Variants in GPALPP1 observed in about 807,000 individuals in gnomAD.
GPALPP1 encodes GPALPP motifs containing 1, also known as GPALPP motifs-containing protein 1.
A neutral mutation model predicts 38.9 loss-of-function variants in GPALPP1; 30 were observed. That is an observed-to-expected ratio of 0.77 (90% confidence interval 0.58 to 1.05). The LOEUF (loss-of-function observed/expected upper bound fraction) is 1.05. Among genes scored for constraint, GPALPP1 ranks in the 50% least tolerant of loss-of-function variants. The probability of loss-of-function intolerance (pLI) is 0.00; values close to 1 mark genes in which losing one functional copy is unlikely to be tolerated. For synonymous variants in GPALPP1, 120 were observed against 139.2 expected, an observed-to-expected ratio of 0.86 and a Z score of 0.97; for missense variants, 384 against 408.8, an observed-to-expected ratio of 0.94 and a Z score of 0.52.
At chr13:44,993,975 G>A (rs1485839771) in intron 1 of GPALPP1, among the ~76,000 whole-genome samples, 1 of 151,636 alleles carries the variant, frequency 6.6e-6, no homozygotes. Context: ...GGTTGTTTAC[G>A]CTTGTAATCC....
At chr13:45,010,277 A>G (rs1874378868) in intron 4 of GPALPP1, among the ~76,000 whole-genome samples, 1 of 152,162 alleles carries the variant, frequency 6.6e-6, no homozygotes, top group South Asian at 2.1e-4. Context: ...CTGGCCTCCT[A>G]GACCTTCAGT....
At chr13:44,990,168 A>G (rs1872689888) in intron 1 of GPALPP1, 2 of 401,266 alleles carry the variant, frequency 5.0e-6, no homozygotes, top group African/African-American at 2.1e-5. Context: ...TCTGTGCCAT[A>G]TTGCCTTCTG....
exon 8 of GPALPP1, chr13:45,036,175 T>C (rs1876394276): frequency 6.6e-6 from 1 of 152,212 alleles, no homozygotes; most frequent in African/African-American, 2.4e-5. Context: ...AAGAATGGAT[T>C]GTCACTTCTC....
intron 7 of GPALPP1, among the ~76,000 whole-genome samples, chr13:45,027,467 C>T (rs888255331): frequency 6.6e-6 from 1 of 152,216 alleles, no homozygotes; most frequent in African/African-American, 2.4e-5. Context: ...TTCAGCCTGA[C>T]AGTGCCTTTC....
At chr13:45,027,677 G>T in intron 7 of GPALPP1, 108 bp from the exon 8 acceptor site, 2 of 550,360 alleles carry the variant, frequency 3.6e-6, no homozygotes, top group Non-Finnish European at 3.2e-6. Flanking sequence ...TTTGTAAATA[G>T]CCCTCCTTAA....
At chr13:44,989,914 G>A in intron 1 of GPALPP1, 172 bp downstream of exon 1, 1 of 601,616 alleles carries the variant, frequency 1.7e-6, no homozygotes, top group Admixed American at 3.0e-5. Context: ...AGGAGGCTGG[G>A]GGACCCTCCT....
chr13:45,012,674 C>T (rs957358766), intron 4 of GPALPP1, among the ~76,000 whole-genome samples: 1 of 152,166 alleles, frequency 6.6e-6, no homozygotes, highest in Non-Finnish European at 1.5e-5. Context: ...AGGCGAGGGT[C>T]AGGCTGGGAC....
chr13:45,015,764 A>G (rs900855749), intron 6 of GPALPP1, among the ~76,000 whole-genome samples, 168 bp downstream of exon 6: 1 of 152,190 alleles, frequency 6.6e-6, no homozygotes, highest in Non-Finnish European at 1.5e-5. Flanking sequence ...AGTGACACCA[A>G]TTGCTTGCTG....
At chr13:45,005,977 C>T (rs1874062601) in intron 2 of GPALPP1, among the ~76,000 whole-genome samples, 1 of 151,148 alleles carries the variant, frequency 6.6e-6, no homozygotes, top group Admixed American at 6.6e-5. Context: ...AGTGAGCCAA[C>T]ATCACGCCAC....
At chr13:45,036,192 G>T (rs1876394591) in exon 8 of GPALPP1, 1 of 152,208 alleles carries the variant, frequency 6.6e-6, no homozygotes, top group African/African-American at 2.4e-5. Flanking sequence ...TCTCTTGAGT[G>T]AATGCCTAAA....
intron 1 of GPALPP1, among the ~76,000 whole-genome samples, chr13:44,996,186 C>T (rs904670876): frequency 1.3e-5 from 2 of 152,030 alleles, no homozygotes; most frequent in African/African-American, 2.4e-5. Flanking sequence ...AAGACCTCAT[C>T]TCTACTAAAA....
chr13:45,011,269 G>A (rs1342008511), intron 4 of GPALPP1, among the ~76,000 whole-genome samples: 2 of 152,102 alleles, frequency 1.3e-5, no homozygotes, highest in African/African-American at 4.8e-5. Flanking sequence ...GCTTGGGTAC[G>A]CTTAGCTTCA....
chr13:45,024,639 A>G (rs1034731876), intron 7 of GPALPP1, among the ~76,000 whole-genome samples: 1 of 151,002 alleles, frequency 6.6e-6, no homozygotes, highest in Non-Finnish European at 1.5e-5. Context: ...TAAAATTTTT[A>G]TCATAAGGGC....
intron 7 of GPALPP1, among the ~76,000 whole-genome samples, chr13:45,024,156 T>TGTGTGTGTGTGTGTGTGC (rs1370082209): frequency 1.8e-3 from 11 of 6,236 alleles, no homozygotes; most frequent in East Asian, 0.034. Context: ...TCTGTGTGTG[T>TGTGTGTGTGTGTGTGTGC]GTGTGTGTGT....
intron 4 of GPALPP1, among the ~76,000 whole-genome samples, chr13:45,009,884 C>T (rs1874353992): frequency 6.6e-6 from 1 of 152,186 alleles, no homozygotes; most frequent in South Asian, 2.1e-4. Context: ...CTTCTGCTCC[C>T]ACCCTGGTCC....
At chr13:45,021,556 G>A (rs973127875) in intron 7 of GPALPP1, among the ~76,000 whole-genome samples, 4 of 151,816 alleles carry the variant, frequency 2.6e-5, no homozygotes, top group South Asian at 2.1e-4. Context: ...ATGCTGAGGC[G>A]GACAGATAGG....
chr13:45,028,180 T>C lies in GPALPP1; in HGVS notation c.*177T>C. On this transcript the variant is annotated 3_prime_UTR_variant, in exon 8 of 8. Coordinates refer to ENST00000379151, the MANE Select transcript of GPALPP1 (RefSeq NM_018559.5). ...AGTCAGCCTTGTGGGATGAAAAATA[T>C]GTCTTACTGGAAAAATCCCTCATAA... is the stretch of plus-strand genomic sequence containing the variant. 5.4e-6 allele frequency: 2 copies of C among 371,824 alleles called. No homozygotes were observed. Among genetic ancestry groups the C allele is most frequent in the Admixed American group, 4.3e-5 (1 of 23,244 alleles). The allele number at this position is 371,824 out of a possible 1,614,324, so 23.0% of individuals were successfully genotyped here.
At chr13:45,019,570 A>C (rs1324822794) in intron 6 of GPALPP1, among the ~76,000 whole-genome samples, 1 of 150,588 alleles carries the variant, frequency 6.6e-6, no homozygotes, top group Non-Finnish European at 1.5e-5. Flanking sequence ...AGTTTGCTAC[A>C]CAGTGCTAGG....
intron 1 of GPALPP1, among the ~76,000 whole-genome samples, chr13:44,993,941 G>A (rs1187421952): frequency 6.6e-6 from 1 of 151,554 alleles, no homozygotes; most frequent in East Asian, 1.9e-4. Flanking sequence ...GTGCATCTAG[G>A]TTTAAGAAAC....
Sources: gnomAD v4.1 joint callset for allele counts (sites outside exome capture counted in the v4.1 genomes callset) on GRCh38, gnomAD v4.1.1 for gene constraint, MANE v1.5 for transcripts, NCBI Gene and HGNC (gene_info 2026-07-23, HGNC 2026-07-21) for gene names.